Variants in MSRA observed in about 807,000 individuals in gnomAD.
The protein encoded by MSRA is mitochondrial peptide methionine sulfoxide reductase.
A neutral mutation model predicts 31.3 loss-of-function variants in MSRA; 54 were observed. The observed-to-expected ratio is 1.73, with a 90% CI of 1.39 to 2.17. The LOEUF is 2.17. MSRA is among the 30% of genes most tolerant of loss of function. MSRA has a pLI of 0.00. For missense variants in MSRA, 507 were observed against 300.9 expected (o/e 1.69, Z -5.07); for synonymous variants, 169 against 116.5 (o/e 1.45, Z -2.90).
intron 1 of MSRA, among the ~76,000 whole-genome samples, chr8:10,132,756 G>T (rs543708961): frequency 6.6e-6 from 1 of 152,232 alleles, no homozygotes; most frequent in East Asian, 1.9e-4. Flanking sequence ...AGCCTTGTGT[G>T]CCAGGGACTG....
intron 5 of MSRA, among the ~76,000 whole-genome samples, chr8:10,327,690 T>A (rs1482165957): frequency 6.6e-6 from 1 of 152,084 alleles, no homozygotes; most frequent in Non-Finnish European, 1.5e-5. Context: ...TCCCAGCACT[T>A]TGGGAAGCCA....
intron 3 of MSRA, among the ~76,000 whole-genome samples, chr8:10,254,978 C>T (rs1049755548): frequency 6.6e-6 from 1 of 152,170 alleles, no homozygotes; most frequent in Non-Finnish European, 1.5e-5. Flanking sequence ...TTGTTTGAAA[C>T]TTTTATTAGG....
intron 3 of MSRA, among the ~76,000 whole-genome samples, chr8:10,267,705 G>C (rs756403422): frequency 6.6e-6 from 1 of 152,136 alleles, no homozygotes; most frequent in Non-Finnish European, 1.5e-5. Context: ...GGGGGATCAG[G>C]AATGAGTCAC....
intron 5 of MSRA, among the ~76,000 whole-genome samples, chr8:10,412,222 CTG>C (rs1224678136): frequency 6.6e-6 from 1 of 152,184 alleles, no homozygotes; most frequent in Non-Finnish European, 1.5e-5. Context: ...ATGAAAAAAT[CTG>C]ATGTATTGCA....
At chr8:10,113,287 G>GTCT (rs1352948468) in intron 1 of MSRA, among the ~76,000 whole-genome samples, 1 of 6,314 alleles carries the variant, frequency 1.6e-4, no homozygotes, top group African/African-American at 4.5e-4. Flanking sequence ...GTGAAGACAG[G>GTCT]TCTTCTTTTT....
chr8:10,351,112 G>GAAC (rs1165234957), intron 5 of MSRA, among the ~76,000 whole-genome samples: 4 of 152,166 alleles, frequency 2.6e-5, no homozygotes, highest in African/African-American at 9.7e-5. Context: ...TGCAACCTGA[G>GAAC]ATGCTTCAGT....
At chr8:10,322,928 A>G (rs1368666329) in intron 5 of MSRA, among the ~76,000 whole-genome samples, 2 of 152,046 alleles carry the variant, frequency 1.3e-5, no homozygotes, top group Non-Finnish European at 2.9e-5. Context: ...GGTCTCTACT[A>G]AAAATACAAA....
rs115484054 is a variant in MSRA at position 10,426,635 on chromosome 8, C to T, written c.544-1513C>T. Among the ~76,000 whole-genome samples, 1,204 of 152,328 alleles carry T rather than the reference C, an allele frequency of 7.9e-3. 11 individuals are homozygous for T. Among genetic ancestry groups the T allele is most frequent in the African/African-American group, 0.027 (1,143 of 41,576 alleles). On this transcript the variant is annotated intron_variant, in intron 5 of 5. Coordinates refer to ENST00000317173, the MANE Select transcript of MSRA (RefSeq NM_012331.5). ...GGCAGCAGAATCTGGGGAATGCAGT[C>T]TGCGAGCTTTCCGCCTGTGCGGTAC...
intron 1 of MSRA, among the ~76,000 whole-genome samples, chr8:10,104,339 G>A (rs576856697): frequency 6.6e-6 from 1 of 152,210 alleles, no homozygotes; most frequent in African/African-American, 2.4e-5. Flanking sequence ...CCAAGGTTAA[G>A]GATGCATCTG....
At chr8:10,212,841 A>G (rs560833653) in intron 2 of MSRA, among the ~76,000 whole-genome samples, 2 of 152,302 alleles carry the variant, frequency 1.3e-5, no homozygotes, top group African/African-American at 4.8e-5. Flanking sequence ...GAAACATTTA[A>G]AAAAACATTC....
At chr8:10,275,092 C>CTTTTTTTTTTTTTT (rs1563297479) in intron 3 of MSRA, among the ~76,000 whole-genome samples, 3 of 152,054 alleles carry the variant, frequency 2.0e-5, no homozygotes, top group African/African-American at 7.3e-5. Flanking sequence ...GAGAATAATT[C>CTTTTTTTTTTTTTT]TTATTTGCTG....
At chr8:10,071,377 A>T (rs1034625048) in intron 1 of MSRA, among the ~76,000 whole-genome samples, 3 of 150,484 alleles carry the variant, frequency 2.0e-5, no homozygotes, top group African/African-American at 7.3e-5. Flanking sequence ...GGAGTCTTTT[A>T]TATATTCTCA....
chr8:10,144,891 C>T lies in MSRA; in HGVS notation c.143-62942C>T, dbSNP rs143053996. Among the ~76,000 whole-genome samples the T allele has an allele frequency of 2.0e-5, 3 of 152,176 alleles. No individual in the cohort carries two copies. The East Asian group carries it at 5.8e-4, about 30-fold the overall frequency. ...CTTAAGACAAGACACATGTAAACCC[C>T]ATGATTATTGCCATTTTTTTGGACT... On this transcript the variant is annotated intron_variant, in intron 1 of 5. Transcript: ENST00000317173.
intron 3 of MSRA, among the ~76,000 whole-genome samples, chr8:10,290,373 C>T (rs781673008): frequency 2.6e-5 from 4 of 151,878 alleles, no homozygotes; most frequent in African/African-American, 9.7e-5. Context: ...TTGGAGTGGG[C>T]TAAACTATAT....
chr8:10,081,361 A>G (rs962712688), intron 1 of MSRA, among the ~76,000 whole-genome samples: 1 of 152,188 alleles, frequency 6.6e-6, no homozygotes, highest in Non-Finnish European at 1.5e-5. Flanking sequence ...GGGAACGTGA[A>G]GCTATCCTTA....
rs184920656 is a variant in MSRA, at chr8:10,062,828, A to G, written c.142+8170A>G. Among the ~76,000 whole-genome samples the G allele has an allele frequency of 2.1e-3, 315 of 152,272 alleles. 1 individual carries two copies. The highest frequency in any genetic ancestry group is 7.2e-3 in the African/African-American group (300 of 41,542). On this transcript the variant is annotated intron_variant, in intron 1 of 5. Transcript: ENST00000317173. ...TGATAGGAGTGGATCGTGTGATAGG[A>G]GTGGATCGTGTTAGCTGCGTGAGAT...
At chr8:10,335,652 C>T (rs1157354739) in intron 5 of MSRA, among the ~76,000 whole-genome samples, 5 of 152,112 alleles carry the variant, frequency 3.3e-5, no homozygotes, top group Admixed American at 1.3e-4. Context: ...GGGCTCTCTT[C>T]GGCTGGCGAC....
intron 1 of MSRA, chr8:10,095,851 G>A (rs371022498): frequency 1.1e-5 from 14 of 1,267,212 alleles, no homozygotes; most frequent in African/African-American, 1.1e-4. Context: ...TAGTGTCCAT[G>A]CATTTGGGAA....
At chr8:10,176,577 C>T (rs1461933800) in intron 1 of MSRA, among the ~76,000 whole-genome samples, 1 of 152,238 alleles carries the variant, frequency 6.6e-6, no homozygotes, top group Non-Finnish European at 1.5e-5. Flanking sequence ...TCTCCTGTTT[C>T]AGCAGCAGAA....
Sources: allele counts gnomAD v4.1 joint callset (sites outside exome capture counted in the v4.1 genomes callset), GRCh38; gene constraint gnomAD v4.1.1; transcripts MANE v1.5; gene names NCBI Gene and HGNC (gene_info 2026-07-23, HGNC 2026-07-21).